GAS2L3: variants seen among roughly 807,000 people sequenced by gnomAD.
GAS2L3 encodes GAS2-like protein 3.
In GAS2L3, 28 loss-of-function variants were observed where a neutral mutation model predicts 37.0. That is an observed-to-expected ratio of 0.76 (90% CI 0.56 to 1.04). GAS2L3 has a LOEUF of 1.04. Among genes scored for constraint, GAS2L3 ranks in the 50% least tolerant of loss-of-function variants. The pLI, the probability that GAS2L3 is intolerant of heterozygous loss-of-function variation, is 0.00. For missense variants in GAS2L3, 793 were observed against 817.6 expected (o/e 0.97, Z 0.37); for synonymous variants, 290 against 296.6 (o/e 0.98, Z 0.23).
At chr12:100,581,218 C>G (rs890203322) in intron 1 of GAS2L3, among the ~76,000 whole-genome samples, 1 of 152,172 alleles carries the variant, frequency 6.6e-6, no homozygotes, top group African/African-American at 2.4e-5. Flanking sequence ...TTGCTGATGT[C>G]TGATAAGTAT....
At chr12:100,583,794 C>G (rs1382767450) in intron 1 of GAS2L3, among the ~76,000 whole-genome samples, 1 of 152,120 alleles carries the variant, frequency 6.6e-6, no homozygotes, top group Non-Finnish European at 1.5e-5. Flanking sequence ...AGTAATTCCT[C>G]TGGTATATCA....
chr12:100,617,094 T>C (rs915599560), intron 6 of GAS2L3, among the ~76,000 whole-genome samples: 2 of 152,116 alleles, frequency 1.3e-5, no homozygotes, highest in African/African-American at 2.4e-5. Context: ...GTTTTTTTCC[T>C]TTATTCTGCT....
In GAS2L3 at chr12:100,584,628, C is replaced by T. The variant is rs116944841; in HGVS notation, c.-151-7108C>T. On this transcript the variant is annotated intron_variant, in intron 1 of 9. Coordinates refer to ENST00000547754, the MANE Select transcript of GAS2L3 (RefSeq NM_174942.3). The stretch of plus-strand genomic sequence containing the variant: ...TCGTTCTGTCACTCAGGCTGGAGTG[C>T]AGTGGTACAATCTAGGTTCACTGCA... 9.6e-4 allele frequency among the ~76,000 whole-genome samples: 146 copies of T among 151,798 alleles called. 1 individual carries two copies. In the East Asian group the frequency reaches 0.012, roughly 12 times the overall value.
In GAS2L3 at chr12:100,584,109, C is replaced by T. The variant is rs557518971; in HGVS notation, c.-151-7627C>T. Among the ~76,000 whole-genome samples, 6 of 152,274 alleles carry T rather than the reference C, an allele frequency of 3.9e-5. No homozygotes were observed. The South Asian group carries it at 1.2e-3, about 32-fold the overall frequency. On this transcript the variant is annotated intron_variant, in intron 1 of 9. Transcript: ENST00000547754. ...TCCTAAACTCCAGGCTTGAATACTTCTATCAACTCTATTTCCAATAGCAAC... is the reference window on the plus strand; with the variant it reads ...TCCTAAACTCCAGGCTTGAATACTTTTATCAACTCTATTTCCAATAGCAAC...
intron 8 of GAS2L3, among the ~76,000 whole-genome samples, chr12:100,621,419 T>A (rs561626535): frequency 3.0e-4 from 46 of 152,166 alleles, no homozygotes; most frequent in African/African-American, 1.1e-3. Context: ...TTACTGCAGT[T>A]CTACCATTAA....
intron 8 of GAS2L3, among the ~76,000 whole-genome samples, chr12:100,620,829 T>G (rs1185925206): frequency 6.6e-6 from 1 of 152,044 alleles, no homozygotes; most frequent in Admixed American, 6.6e-5. Context: ...AACTAATGTA[T>G]CAGCATGGTT....
intron 1 of GAS2L3, among the ~76,000 whole-genome samples, chr12:100,588,309 A>C (rs1955805450): frequency 6.6e-6 from 1 of 152,206 alleles, no homozygotes; most frequent in Non-Finnish European, 1.5e-5. Context: ...TTGGGCTGCC[A>C]GGGGTGACAT....
At chr12:100,583,918 TAAG>T (rs1393233479) in intron 1 of GAS2L3, among the ~76,000 whole-genome samples, 1 of 152,088 alleles carries the variant, frequency 6.6e-6, no homozygotes, top group Non-Finnish European at 1.5e-5. Context: ...TAAATAATAA[TAAG>T]AAATAATAAA....
chr12:100,619,022 A>C (rs1956221794), intron 8 of GAS2L3, among the ~76,000 whole-genome samples: 1 of 152,128 alleles, frequency 6.6e-6, no homozygotes, highest in Admixed American at 6.6e-5. Context: ...GGATGGAGCA[A>C]CAGGAACAAA....
chr12:100,585,890 T>C (rs982069095), intron 1 of GAS2L3, among the ~76,000 whole-genome samples: 1 of 152,232 alleles, frequency 6.6e-6, no homozygotes, highest in Non-Finnish European at 1.5e-5. Flanking sequence ...ACAGTGTTTC[T>C]TTGGCTCTCA....
At chr12:100,621,438 TATA>T (rs1956250723) in intron 8 of GAS2L3, among the ~76,000 whole-genome samples, 2 of 152,020 alleles carry the variant, frequency 1.3e-5, no homozygotes, top group South Asian at 4.1e-4. Context: ...AAAAAATATT[TATA>T]ATAATAGAAA....
rs1281043341 is a variant in GAS2L3 at position 100,624,637 on chromosome 12, C to T, written c.1832C>T (p.Thr611Ile). 1.9e-6 allele frequency: 3 copies of T among 1,614,058 alleles called. No individual in the cohort carries two copies. The highest frequency in any genetic ancestry group is 4.5e-5 in the East Asian group (2 of 44,874). ...AGCTCCTTGAAGTCTCCTGGCCGTA[C>T]CCCACTGTCCATCGTGAGCCTACCC... is the stretch of plus-strand genomic sequence containing the variant. ...GPSSLKSPGR[T>I]PLSIVSLPQS... Residue 611 changes from threonine (T) to isoleucine (I), a missense_variant, in exon 10 of 10, where the codon ACC becomes ATC. Thr to Ile is a moderately conservative substitution (Grantham distance 89). Transcript: ENST00000547754.
Position 100,583,433 on chromosome 12 carries a change from C to G in GAS2L3, c.-151-8303C>G, listed in dbSNP as rs560289887. ...AGCTCATTTATCAGAATCCTTGCCCCTTGGCAGAGCTGTTGTCCTGTTAAC... is the reference window on the plus strand; with the variant it reads ...AGCTCATTTATCAGAATCCTTGCCCGTTGGCAGAGCTGTTGTCCTGTTAAC... On this transcript the variant is annotated intron_variant, in intron 1 of 9. Coordinates refer to ENST00000547754, the MANE Select transcript of GAS2L3 (RefSeq NM_174942.3). Among the ~76,000 whole-genome samples, 6 of 152,378 alleles carry G rather than the reference C, an allele frequency of 3.9e-5. No individual in the cohort carries two copies. The South Asian group carries it at 6.2e-4, about 16-fold the overall frequency.
intron 8 of GAS2L3, among the ~76,000 whole-genome samples, chr12:100,619,642 A>G (rs1956229993): frequency 6.6e-6 from 1 of 152,042 alleles, no homozygotes; most frequent in African/African-American, 2.4e-5. Context: ...GTGTGTGTAT[A>G]TATATATAAT....
chr12:100,578,330 T>C (rs1042396722), intron 1 of GAS2L3, among the ~76,000 whole-genome samples: 3 of 152,198 alleles, frequency 2.0e-5, no homozygotes, highest in African/African-American at 7.2e-5. Flanking sequence ...CCTGAGATGG[T>C]AAACACAGGC....
intron 6 of GAS2L3, among the ~76,000 whole-genome samples, chr12:100,612,801 T>C (rs187264854): frequency 4.1e-4 from 62 of 152,214 alleles, no homozygotes; most frequent in Admixed American, 4.6e-4. Flanking sequence ...AGTGCAGCAG[T>C]GTACCAAGGG....
At position 100,600,429 on chromosome 12, in the gene GAS2L3, T is replaced by C. The variant is rs368431040; in HGVS notation, c.66T>C (p.Thr22=). ...CTCTAAGTCCTCGGAGTCCTCTGAC[T>C]CCCAGACACGGACCAGGATTGGCTA... ...DLPLSPRSPL[T]PRHGPGLANV... Residue 22 remains threonine, a synonymous_variant, in exon 4 of 10, where the codon ACT becomes ACC. Transcript: ENST00000547754. The C allele has an allele frequency of 6.2e-6, 10 of 1,611,784 alleles. No homozygotes were observed. Among genetic ancestry groups the C allele is most frequent in the African/African-American group, 5.3e-5 (4 of 74,910 alleles).
chr12:100,617,340 C>T (rs757290465), intron 6 of GAS2L3, among the ~76,000 whole-genome samples: 4 of 152,112 alleles, frequency 2.6e-5, no homozygotes, highest in Admixed American at 6.6e-5. Flanking sequence ...TTAGAAAGTA[C>T]TTTCTCCTCT....
intron 1 of GAS2L3, among the ~76,000 whole-genome samples, chr12:100,588,944 T>A (rs567002972): frequency 6.6e-6 from 1 of 152,306 alleles, no homozygotes; most frequent in East Asian, 1.9e-4. Flanking sequence ...TGTTATTCTG[T>A]TCTTTTTCAA....
Sources: gnomAD v4.1 joint callset for allele counts (sites outside exome capture counted in the v4.1 genomes callset) on GRCh38, gnomAD v4.1.1 for gene constraint, MANE v1.5 for transcripts, NCBI Gene and HGNC (gene_info 2026-07-23, HGNC 2026-07-21) for gene names.